The following MUC5B variants were observed in gnomAD, a reference collection of about 807,000 sequenced individuals.
MUC5B encodes the protein mucin-5B.
Under a neutral mutation model 376.9 loss-of-function variants are expected in MUC5B, and 116 were observed. The observed-to-expected ratio is 0.31, with a 90% CI of 0.26 to 0.36. The LOEUF is 0.36. Among genes scored for constraint, MUC5B ranks in the 10% least tolerant of loss-of-function variants. The pLI is 1.00. For missense variants in MUC5B, 7,165 were observed against 7,769.9 expected (o/e 0.92, Z 2.93); for synonymous variants, 3,517 against 3,390.9 (o/e 1.04, Z -1.29).
Position 1,248,407 on chromosome 11 carries a change from A to G in MUC5B, c.11527A>G (p.Thr3843Ala). 3.7e-6 allele frequency: 6 copies of G among 1,612,348 alleles called. No individual in the cohort carries two copies. Among genetic ancestry groups the G allele is most frequent in the Non-Finnish European group, 5.1e-6 (6 of 1,179,258 alleles). Residue 3843 changes from threonine to alanine, a missense_variant, in exon 31 of 49, where the codon ACA (threonine) becomes GCA (alanine). Transcript: ENST00000529681. ...TSTVLTTTAT[T>A]TRATGSVATP... ...CACAGTGCTTACCACCACGGCCACC[A>G]CAACCAGGGCCACCGGCTCTGTGGC...
chr11:1,249,255 C>T lies in MUC5B; in HGVS notation c.12375C>T (p.Thr4125=). 2 of 1,611,500 alleles carry T rather than the reference C, an allele frequency of 1.2e-6. No homozygotes were observed. The highest frequency in any genetic ancestry group is 1.1e-5 in the South Asian group (1 of 90,976). The change falls in exon 31 of 49, where the codon ACC becomes ACT. Residue 4125 remains threonine, a synonymous_variant. Transcript: ENST00000529681. The part of the protein sequence containing the change: ...PTSAPITTVV[T]TGCEPQCAWS... ...CGGCCCCCATAACCACGGTGGTGAC[C>T]ACGGGCTGTGAGCCCCAGTGTGCCT...
At position 1,260,855 on chromosome 11, in the gene MUC5B, G is replaced by T. The variant is rs975758352; in HGVS notation, c.17069+127G>T. 8.5e-6 allele frequency: 6 copies of T among 703,498 alleles called. No individual in the cohort carries two copies. In the African/African-American group the frequency reaches 1.1e-4, roughly 12 times the overall value. The allele number at this position is 703,498 out of a possible 1,614,324, so 43.6% of individuals were successfully genotyped here. A position where few individuals can be genotyped will look rare whatever the true frequency, so the allele number is the denominator to read the frequency against. On this transcript the variant is annotated intron_variant, in intron 48 of 48. Coordinates refer to ENST00000529681, the MANE Select transcript of MUC5B (RefSeq NM_002458.3). ...GCCAGCTCCAGGAAGGAGGGAAGGG[G>T]CTCCCCAGCAGGGCTCCCCCTCTCC...
chr11:1,253,393 A>C lies in MUC5B; in HGVS notation c.15217+413A>C, dbSNP rs1862754641. ...GCCCAGGGGCTTCTGGGGCCAGGAG[A>C]AGCTCAGGATGGAAGCGGGAGCCCA... On this transcript the variant is annotated intron_variant, in intron 33 of 48. Coordinates refer to ENST00000529681, the MANE Select transcript of MUC5B (RefSeq NM_002458.3). The surrounding 1 kb of genome is among the most constrained non-coding windows in gnomAD (Gnocchi z 4.3). Among the ~76,000 whole-genome samples, 1 of 152,022 alleles carries C rather than the reference A, an allele frequency of 6.6e-6. No homozygotes were observed. Among genetic ancestry groups the C allele is most frequent in the South Asian group, 2.1e-4 (1 of 4,830 alleles).
chr11:1,230,367 G>T, intron 11 of MUC5B, 123 bp from the exon 12 acceptor site: 1 of 1,122,386 alleles, frequency 8.9e-7, no homozygotes. Context: ...GAGGTGACCA[G>T]AGGTGCCAAG....
Position 1,242,134 on chromosome 11 carries a change from G to C in MUC5B, c.5254G>C (p.Glu1752Gln), listed in dbSNP as rs745507605. ...TTSLAPTLTS[E>Q]LSTSQAETST... ...GAGCCTGGCGCCAACACTCACGAGC[G>C]AGCTGTCCACCTCTCAGGCCGAGAC... The change falls in exon 31 of 49, where the codon GAG becomes CAG. Residue 1752 changes from glutamate to glutamine, a missense_variant. By Grantham distance (29) the Glu-to-Gln change is conservative (BLOSUM62 2). Coordinates refer to ENST00000529681, the MANE Select transcript of MUC5B (RefSeq NM_002458.3). 12 of 1,613,388 alleles carry C rather than the reference G, an allele frequency of 7.4e-6. No individual in the cohort carries two copies. Among genetic ancestry groups the C allele is most frequent in the Non-Finnish European group, 1.0e-5 (12 of 1,179,870 alleles).
chr11:1,237,225 G>A (rs1045329454), intron 25 of MUC5B, 61 bp downstream of exon 25: 9 of 1,328,866 alleles, frequency 6.8e-6, no homozygotes, highest in South Asian at 6.4e-5. Flanking sequence ...CCTTCCCGCC[G>A]AGAACTGGGT....
rs534985648 is a variant in MUC5B, at chr11:1,243,309, C to T, written c.6429C>T (p.Thr2143=). The change falls in exon 31 of 49, where the codon ACC becomes ACT. Residue 2143 remains threonine, a synonymous_variant. Coordinates refer to ENST00000529681, the MANE Select transcript of MUC5B (RefSeq NM_002458.3). ...CCACGGCCACTACGATCACGGCCAC[C>T]GGCTCCACCACCAACCCCTCCTCAA... ...LTTTATTITA[T]GSTTNPSSTP... The T allele has an allele frequency of 3.7e-5, 57 of 1,557,392 alleles. 1 individual carries two copies. Among genetic ancestry groups the T allele is most frequent in the Middle Eastern group, 3.4e-4 (2 of 5,958 alleles).
rs1301277802 is a variant in MUC5B, at chr11:1,251,372, C to G, written c.14492C>G (p.Ala4831Gly). 5.6e-6 allele frequency: 9 copies of G among 1,612,536 alleles called. 1 individual carries two copies. Among genetic ancestry groups the G allele is most frequent in the Non-Finnish European group, 7.6e-6 (9 of 1,179,078 alleles). ...ELTTTATTTA[A>G]TGSTATLSST... ...ACCACAACAGCCACTACAACTGCAG[C>G]CACTGGATCCACGGCCACCCTGTCC... The change falls in exon 31 of 49, where the codon GCC becomes GGC. Residue 4831 changes from alanine (A) to glycine (G), a missense_variant. This residue lies in a region of MUC5B where 730 missense variants were observed against 592.7 expected (regional missense o/e 1.23). Coordinates refer to ENST00000529681, the MANE Select transcript of MUC5B (RefSeq NM_002458.3).
intron 3 of MUC5B, 79 bp from the exon 4 acceptor site, chr11:1,226,536 A>G: frequency 6.6e-7 from 1 of 1,511,290 alleles, no homozygotes. Flanking sequence ...CATTCCAAAA[A>G]CCAGGGTGCC....
Position 1,251,432 on chromosome 11 carries a change from C to G in MUC5B, c.14552C>G (p.Pro4851Arg). 2 of 1,612,234 alleles carry G rather than the reference C, an allele frequency of 1.2e-6. No homozygotes were observed. The highest frequency in any genetic ancestry group is 1.7e-6 in the Non-Finnish European group (2 of 1,179,162). ...TPGTTWILTE[P>R]STIATVMVPT... Reference sequence around the variant, plus strand: ...GGGACCACCTGGATCCTCACAGAGCCGAGCACTATAGCCACCGTGATGGTG... The same window carrying G: ...GGGACCACCTGGATCCTCACAGAGCGGAGCACTATAGCCACCGTGATGGTG... The change falls in exon 31 of 49, where the codon CCG (proline) becomes CGG (arginine). Residue 4851 changes from proline (P) to arginine (R), a missense_variant. Physicochemically the swap from Pro to Arg is moderately radical, Grantham distance 103. This residue lies in a region of MUC5B where 730 missense variants were observed against 592.7 expected (regional missense o/e 1.23). Transcript: ENST00000529681.
chr11:1,231,339 C>T lies in MUC5B; in HGVS notation c.1541-84C>T, dbSNP rs574130635. The T allele has an allele frequency of 4.4e-5, 65 of 1,465,822 alleles. No individual in the cohort carries two copies. In the African/African-American group the frequency reaches 7.4e-4, roughly 17 times the overall value. 90.8% of individuals were successfully genotyped at this position (1,465,822 alleles called of 1,614,324 possible). On this transcript the variant is annotated intron_variant, in intron 13 of 48. Coordinates refer to ENST00000529681, the MANE Select transcript of MUC5B (RefSeq NM_002458.3). ...ACTCCCGGGTCTCAGTGGGGTGGCC[C>T]GGCCCACTGGATGCCCTGCCCCTCC...
Position 1,241,627 on chromosome 11 carries a change from G to A in MUC5B, c.4747G>A (p.Gly1583Ser), listed in dbSNP as rs1008328245. Residue 1583 changes from glycine (G) to serine (S), a missense_variant, in exon 31 of 49, where the codon GGC (glycine) becomes AGC (serine). Gly to Ser is a moderately conservative substitution (Grantham distance 56). Around this residue, in one of 31 missense-constraint regions of MUC5B, gnomAD observed 25 missense variants for 46.5 expected, o/e 0.54. Coordinates refer to ENST00000529681, the MANE Select transcript of MUC5B (RefSeq NM_002458.3). ...GLVCRNWEQE[G>S]VFKMCYNYRI... The stretch of plus-strand genomic sequence containing the variant: ...GGTGTGCAGGAACTGGGAGCAGGAG[G>A]GCGTCTTCAAGATGTGCTACAACTA... 1.9e-6 allele frequency: 3 copies of A among 1,612,224 alleles called. No homozygotes were observed. In the African/African-American group the frequency reaches 4.0e-5, roughly 22 times the overall value.
In MUC5B at chr11:1,253,976, G is replaced by A. The variant is rs1194189341; in HGVS notation, c.15218-116G>A. The A allele has an allele frequency of 7.7e-6, 11 of 1,428,918 alleles. No homozygotes were observed. Among genetic ancestry groups the A allele is most frequent in the Middle Eastern group, 1.8e-4 (1 of 5,614 alleles). The allele number at this position is 1,428,918 out of a possible 1,614,324, so 88.5% of individuals were successfully genotyped here. A position where few individuals can be genotyped will look rare whatever the true frequency, so the allele number is the denominator to read the frequency against. ...TATAGACGAGGCAGCTGAGGCCCCA[G>A]GGGCTTCAGTGGCTCCCCAAGGCGG... On this transcript the variant is annotated intron_variant, in intron 33 of 48. Coordinates refer to ENST00000529681, the MANE Select transcript of MUC5B (RefSeq NM_002458.3). The surrounding 1 kb of genome is among the most constrained non-coding windows in gnomAD (Gnocchi z 4.3).
chr11:1,250,678 G>A lies in MUC5B; in HGVS notation c.13798G>A (p.Gly4600Ser). The change falls in exon 31 of 49, where the codon GGC becomes AGC. Residue 4600 changes from glycine (G) to serine (S), a missense_variant. Coordinates refer to ENST00000529681, the MANE Select transcript of MUC5B (RefSeq NM_002458.3). ...TTKVPTTTTTGFTATPSSSPG... is the reference protein window; with the variant it reads ...TTKVPTTTTTSFTATPSSSPG... ...CAAAGTGCCGACTACCACAACCACG[G>A]GCTTCACAGCCACCCCCTCCTCCAG... 1.9e-6 allele frequency: 3 copies of A among 1,607,700 alleles called. No individual in the cohort carries two copies. The highest frequency in any genetic ancestry group is 2.5e-6 in the Non-Finnish European group (3 of 1,177,680).
Position 1,253,865 on chromosome 11 carries a change from C to T in MUC5B, c.15218-227C>T, listed in dbSNP as rs117195928. On this transcript the variant is annotated intron_variant, in intron 33 of 48. Transcript: ENST00000529681. This position sits in a 1 kb window ranked among gnomAD's most constrained non-coding sequence, Gnocchi z 4.3. Reference sequence around the variant, plus strand: ...CTTCCCTTAATCCCATCTGCAAAGACACTTTCTCCCGGCAAAGCCACATGC... The same window carrying T: ...CTTCCCTTAATCCCATCTGCAAAGATACTTTCTCCCGGCAAAGCCACATGC... Among the ~76,000 whole-genome samples the T allele has an allele frequency of 0.025, 3,799 of 152,318 alleles. 60 individuals are homozygous for T. Among genetic ancestry groups the T allele is most frequent in the Non-Finnish European group, 0.033 (2,222 of 68,004 alleles).
rs780553057 is a variant in MUC5B at position 1,240,925 on chromosome 11, C to T, written c.4045C>T (p.Pro1349Ser). 3 of 1,613,114 alleles carry T rather than the reference C, an allele frequency of 1.9e-6. No homozygotes were observed. Among genetic ancestry groups the T allele is most frequent in the Non-Finnish European group, 2.5e-6 (3 of 1,179,846 alleles). The change falls in exon 31 of 49, where the codon CCA becomes TCA. Residue 1349 changes from proline (P) to serine (S), a missense_variant. Pro to Ser is a moderately conservative substitution (Grantham distance 74, BLOSUM62 -1). Transcript: ENST00000529681. ...RWSSWYNGHR[P>S]EPGLGGGDFE... ...GTCCAGCTGGTACAATGGGCACCGC[C>T]CAGAGCCCGGCCTGGGAGGCGGAGA...
intron 13 of MUC5B, 93 bp from the exon 14 acceptor site, chr11:1,231,329 TG>T: frequency 7.1e-7 from 1 of 1,412,954 alleles, no homozygotes; most frequent in Non-Finnish European, 9.5e-7. Context: ...CGGGTCTCAG[TG>T]GGGTGGCCCG....
intron 26 of MUC5B, 68 bp from the exon 27 acceptor site, chr11:1,239,370 G>A (rs1862226937): frequency 6.5e-7 from 1 of 1,541,380 alleles, no homozygotes. Flanking sequence ...CCCGGGGTAG[G>A]GGCTGCCCTG....
At position 1,261,446 on chromosome 11, in the gene MUC5B, G is replaced by A; in HGVS notation, c.17127G>A (p.Arg5709=). 1 of 1,547,828 alleles carries A rather than the reference G, an allele frequency of 6.5e-7. No homozygotes were observed. The highest frequency in any genetic ancestry group is 8.7e-7 in the Non-Finnish European group (1 of 1,147,472). ...QHQCTCCQER[R]VHEETVPLHC... is the part of the protein sequence containing the mutation. Reference sequence around the variant, plus strand: ...AGTGCACCTGCTGCCAGGAGAGGCGGGTCCACGAGGAGACGGTGCCCTTGC... The same window carrying A: ...AGTGCACCTGCTGCCAGGAGAGGCGAGTCCACGAGGAGACGGTGCCCTTGC... The change falls in exon 49 of 49, where the codon CGG becomes CGA. Residue 5709 remains arginine, a synonymous_variant. Transcript: ENST00000529681.
Sources: gnomAD v4.1 joint callset for allele counts (sites outside exome capture counted in the v4.1 genomes callset) on GRCh38, gnomAD v4.1.1 for gene constraint, gnomAD v4.1.1 regional missense constraint, Gnocchi (gnomAD v3.1) non-coding constraint, MANE v1.5 for transcripts, NCBI Gene and HGNC (gene_info 2026-07-23, HGNC 2026-07-21) for gene names.